Variants in RARB observed in about 807,000 individuals in gnomAD.
The protein encoded by RARB is retinoic acid receptor beta.
A neutral mutation model predicts 51.9 loss-of-function variants in RARB; 17 were observed. The observed-to-expected ratio is 0.33, with a 90% CI of 0.22 to 0.49. The LOEUF (loss-of-function observed/expected upper bound fraction) is 0.49. RARB is among the 20% of genes least tolerant of loss of function. The probability of loss-of-function intolerance (pLI) is 0.99; values close to 1 mark genes in which losing one functional copy is unlikely to be tolerated. For missense variants in RARB, 369 were observed against 550.8 expected, an observed-to-expected ratio of 0.67 and a Z score of 3.30; for synonymous variants, 215 against 195.4, an observed-to-expected ratio of 1.10 and a Z score of -0.84.
chr3:25,472,208 C>G (rs1447110698), intron 2 of RARB, among the ~76,000 whole-genome samples: 6 of 152,206 alleles, frequency 3.9e-5, no homozygotes, highest in Non-Finnish European at 8.8e-5. Context: ...GCAGCCTTCT[C>G]TTCTCCACAC....
intron 5 of RARB, among the ~76,000 whole-genome samples, chr3:25,219,093 G>C (rs1189247913): frequency 6.6e-6 from 1 of 152,130 alleles, no homozygotes; most frequent in Non-Finnish European, 1.5e-5. Context: ...TATGTGTTAA[G>C]CTCTGTGCCC....
Position 25,064,453 on chromosome 3 carries a change from C to T in RARB, c.-328+4277C>T, listed in dbSNP as rs551350518. ...CATTTTTAAATGTCTTTTTCACATA[C>T]AGTTGTAAGTTATCCAAAAAAGAAC... On this transcript the variant is annotated intron_variant, in intron 3 of 11. Transcript: ENST00000383772. Among the ~76,000 whole-genome samples, 116 of 151,994 alleles carry T rather than the reference C, an allele frequency of 7.6e-4. 1 individual carries two copies. Among genetic ancestry groups the T allele is most frequent in the Non-Finnish European group, 1.4e-3 (97 of 67,986 alleles).
intron 2 of RARB, among the ~76,000 whole-genome samples, chr3:24,868,174 C>T (rs1013452987): frequency 1.3e-5 from 2 of 152,128 alleles, no homozygotes; most frequent in Non-Finnish European, 2.9e-5. Flanking sequence ...GTATGAAATG[C>T]ATGTGTTACA....
chr3:25,002,345 G>A (rs550127371), intron 2 of RARB, among the ~76,000 whole-genome samples: 1 of 152,200 alleles, frequency 6.6e-6, no homozygotes, highest in Admixed American at 6.5e-5. Flanking sequence ...ATTCTTTGGA[G>A]ATGTTCACAC....
At chr3:24,987,625 T>C (rs1174474402) in intron 2 of RARB, among the ~76,000 whole-genome samples, 1 of 152,230 alleles carries the variant, frequency 6.6e-6, no homozygotes, top group East Asian at 1.9e-4. Flanking sequence ...ACACCACTAA[T>C]GGCCCGGTTT....
At chr3:25,282,370 A>G (rs767607254) in intron 5 of RARB, among the ~76,000 whole-genome samples, 6 of 152,188 alleles carry the variant, frequency 3.9e-5, no homozygotes, top group Non-Finnish European at 8.8e-5. Context: ...TCATTCTTCA[A>G]ATGTCACCTT....
chr3:25,072,221 A>C (rs1473149479), intron 3 of RARB, among the ~76,000 whole-genome samples: 1 of 152,228 alleles, frequency 6.6e-6, no homozygotes, highest in Non-Finnish European at 1.5e-5. Flanking sequence ...AAATAAGTTT[A>C]ATAACAATTT....
intron 2 of RARB, among the ~76,000 whole-genome samples, chr3:24,953,018 C>CA (rs1003396906): frequency 2.0e-5 from 3 of 151,850 alleles, no homozygotes; most frequent in Non-Finnish European, 4.4e-5. Context: ...TCATTGTGGC[C>CA]AAAAAACCCT....
intron 3 of RARB, among the ~76,000 whole-genome samples, chr3:25,099,812 G>A (rs1416109163): frequency 6.6e-6 from 1 of 152,042 alleles, no homozygotes. Context: ...CTTTTACAGA[G>A]CTTGGCTTAC....
chr3:24,831,242 A>G (rs563717613), intron 1 of RARB, among the ~76,000 whole-genome samples: 1 of 152,370 alleles, frequency 6.6e-6, no homozygotes, highest in African/African-American at 2.4e-5. Flanking sequence ...GACAAAAATA[A>G]AGCAAAAAAT....
intron 3 of RARB, among the ~76,000 whole-genome samples, chr3:25,082,561 C>T (rs542083829): frequency 3.3e-5 from 5 of 152,100 alleles, no homozygotes; most frequent in South Asian, 2.1e-4. Flanking sequence ...TTTCTATTTA[C>T]CCTCTCCTGT....
chr3:25,345,961 A>G, intron 5 of RARB: 1 of 825,206 alleles, frequency 1.2e-6, no homozygotes, highest in African/African-American at 1.8e-5. Flanking sequence ...ATGATTCTAC[A>G]AAGTCTGCAG....
At chr3:25,467,039 C>T (rs1411478198) in intron 2 of RARB, among the ~76,000 whole-genome samples, 2 of 152,220 alleles carry the variant, frequency 1.3e-5, no homozygotes, top group African/African-American at 2.4e-5. Flanking sequence ...AGTTCATGTC[C>T]ACCTGCCCAG....
chr3:24,910,149 A>G (rs1359614931), intron 2 of RARB, among the ~76,000 whole-genome samples: 3 of 151,714 alleles, frequency 2.0e-5, no homozygotes, highest in Admixed American at 2.0e-4. Flanking sequence ...TCCTTTTTTT[A>G]CTCCACCATG....
intron 5 of RARB, among the ~76,000 whole-genome samples, chr3:25,219,584 T>C (rs567309233): frequency 1.4e-4 from 21 of 152,326 alleles, no homozygotes; most frequent in African/African-American, 4.1e-4. Context: ...CCTTTGTTGC[T>C]GTTTGATCAC....
At chr3:25,215,410 C>A (rs180921146) in intron 5 of RARB, among the ~76,000 whole-genome samples, 1 of 152,104 alleles carries the variant, frequency 6.6e-6, no homozygotes, top group Non-Finnish European at 1.5e-5. Flanking sequence ...ATGGAAAAGA[C>A]CATAATTTAT....
intron 3 of RARB, among the ~76,000 whole-genome samples, chr3:25,100,606 G>A (rs1340349036): frequency 1.3e-5 from 2 of 152,108 alleles, no homozygotes; most frequent in African/African-American, 4.8e-5. Flanking sequence ...TGATCTGAAG[G>A]GGTAGTATTA....
chr3:24,880,635 T>A (rs567892074), intron 2 of RARB, among the ~76,000 whole-genome samples: 1 of 152,236 alleles, frequency 6.6e-6, no homozygotes, highest in East Asian at 1.9e-4. Context: ...TCATGAGGTG[T>A]CACCTATATA....
At chr3:24,941,878 G>A (rs999632173) in intron 2 of RARB, among the ~76,000 whole-genome samples, 3 of 152,150 alleles carry the variant, frequency 2.0e-5, no homozygotes, top group Non-Finnish European at 2.9e-5. Flanking sequence ...AAACTTAAGC[G>A]TAAACTTAAT....
Sources: allele counts gnomAD v4.1 joint callset (sites outside exome capture counted in the v4.1 genomes callset), GRCh38; gene constraint gnomAD v4.1.1; transcripts MANE v1.5; gene names NCBI Gene and HGNC (gene_info 2026-07-23, HGNC 2026-07-21).